SNX29: variants seen among roughly 807,000 people sequenced by gnomAD.
SNX29 encodes sorting nexin 29, also known as sorting nexin-29.
Under a neutral mutation model 102.1 loss-of-function variants are expected in SNX29, and 78 were observed. The observed-to-expected ratio is 0.76, with a 90% CI of 0.64 to 0.92. The LOEUF (loss-of-function observed/expected upper bound fraction) is 0.92. Ranked by LOEUF, SNX29 falls within the 40% of genes least tolerant of loss-of-function variation. SNX29 has a pLI of 0.00. For synonymous variants in SNX29, 580 were observed against 414.5 expected, an observed-to-expected ratio of 1.40 and a Z score of -4.85; for missense variants, 1,280 against 1,061.7, an observed-to-expected ratio of 1.21 and a Z score of -2.86.
intron 16 of SNX29, among the ~76,000 whole-genome samples, chr16:12,380,159 C>CCTAAGGGCTGATGAGAATGACCTTGGTCT (rs2151420475): frequency 6.6e-6 from 1 of 151,552 alleles, no homozygotes; most frequent in African/African-American, 2.4e-5. Flanking sequence ...CCTTAGCTGA[C>CCTAAGGGCTGATGAGAATGACCTTGGTCT]CTAAGGGCTG....
chr16:12,168,768 A>G (rs965438721), intron 13 of SNX29, among the ~76,000 whole-genome samples: 1 of 152,204 alleles, frequency 6.6e-6, no homozygotes, highest in Admixed American at 6.5e-5. Context: ...ATCGTTACAT[A>G]AATTTCTATC....
In SNX29 at chr16:12,468,442, G is replaced by A. The variant is rs114780429; in HGVS notation, c.2038-9277G>A. Among the ~76,000 whole-genome samples the A allele has an allele frequency of 6.8e-3, 1,031 of 152,144 alleles. 14 individuals are homozygous for A. Among genetic ancestry groups the A allele is most frequent in the African/African-American group, 0.023 (970 of 41,504 alleles). ...TGCCTGCCTTAGCCTGGGATTACAGGTGTGAGCCACCACGCGCAACCTCCA... is the reference window on the plus strand; with the variant it reads ...TGCCTGCCTTAGCCTGGGATTACAGATGTGAGCCACCACGCGCAACCTCCA... On this transcript the variant is annotated intron_variant, in intron 18 of 20. Transcript: ENST00000566228.
At chr16:12,033,102 G>A (rs1383691388) in intron 4 of SNX29, among the ~76,000 whole-genome samples, 11 of 151,910 alleles carry the variant, frequency 7.2e-5, no homozygotes, top group Non-Finnish European at 1.5e-4. Flanking sequence ...TGATCTGCCC[G>A]CCTTGGCCTC....
chr16:12,356,893 T>C (rs1473874658), intron 16 of SNX29, among the ~76,000 whole-genome samples: 4 of 152,380 alleles, frequency 2.6e-5, no homozygotes, highest in East Asian at 1.9e-4. Flanking sequence ...TCTCCAGATA[T>C]CGCCAGATGT....
chr16:12,085,844 A>C (rs1414976480), intron 11 of SNX29, among the ~76,000 whole-genome samples: 1 of 152,174 alleles, frequency 6.6e-6, no homozygotes, highest in Admixed American at 6.5e-5. Context: ...TTGTATAAGA[A>C]AATGAGGCTT....
At chr16:12,462,742 T>C (rs976935464) in intron 18 of SNX29, among the ~76,000 whole-genome samples, 47 of 152,212 alleles carry the variant, frequency 3.1e-4, no homozygotes, top group Non-Finnish European at 6.3e-4. Context: ...GGTGTTTGTA[T>C]CTATGAAGAG....
chr16:12,194,626 T>G (rs1339519792), intron 13 of SNX29, among the ~76,000 whole-genome samples: 1 of 150,408 alleles, frequency 6.6e-6, no homozygotes, highest in East Asian at 1.9e-4. Context: ...TGGGTAGTTT[T>G]TTTTTTTTTT....
intron 14 of SNX29, among the ~76,000 whole-genome samples, chr16:12,213,844 C>T (rs2077251201): frequency 1.3e-5 from 2 of 152,122 alleles, no homozygotes; most frequent in African/African-American, 2.4e-5. Flanking sequence ...GGCTGGGAGA[C>T]GTGGGGCTTA....
intron 3 of SNX29, among the ~76,000 whole-genome samples, chr16:12,016,065 A>G (rs1432475056): frequency 2.0e-5 from 3 of 149,022 alleles, no homozygotes; most frequent in African/African-American, 7.5e-5. Flanking sequence ...GGATTTCACC[A>G]TGTTGGCCAG....
intron 20 of SNX29, among the ~76,000 whole-genome samples, chr16:12,567,889 A>G (rs894565675): frequency 6.6e-6 from 1 of 152,168 alleles, no homozygotes; most frequent in African/African-American, 2.4e-5. Flanking sequence ...CCTCCCACAC[A>G]ACCCAGACCC....
rs148995474 is a variant in SNX29 at position 12,537,760 on chromosome 16, G to A, written c.2318+12919G>A. The stretch of plus-strand genomic sequence containing the variant: ...GCACAATGACCTCTATCCTATGTGG[G>A]GTTTGTTTAAACAAAAAAAAGTAAT... On this transcript the variant is annotated intron_variant, in intron 20 of 20. Coordinates refer to ENST00000566228, the MANE Select transcript of SNX29 (RefSeq NM_032167.5). 2.0e-3 allele frequency among the ~76,000 whole-genome samples: 297 copies of A among 152,100 alleles called. 3 individuals are homozygous for A. The Middle Eastern group carries it at 0.024, about 12-fold the overall frequency.
chr16:12,306,557 G>A (rs965180188), intron 15 of SNX29, among the ~76,000 whole-genome samples: 7 of 152,212 alleles, frequency 4.6e-5, no homozygotes, highest in African/African-American at 1.7e-4. Flanking sequence ...CCAGGGCTGA[G>A]CGTGTAAATG....
intron 10 of SNX29, among the ~76,000 whole-genome samples, chr16:12,077,681 C>T (rs944402300): frequency 3.3e-5 from 5 of 152,036 alleles, no homozygotes; most frequent in African/African-American, 9.7e-5. Context: ...AGTGCAGTGG[C>T]GTGATCTTGG....
intron 19 of SNX29, among the ~76,000 whole-genome samples, chr16:12,492,731 T>C (rs898944898): frequency 6.6e-6 from 1 of 152,218 alleles, no homozygotes; most frequent in African/African-American, 2.4e-5. Context: ...AGGGATCCAG[T>C]TTCAGCTTTC....
At chr16:12,293,735 T>C (rs1477022104) in intron 15 of SNX29, among the ~76,000 whole-genome samples, 1 of 152,194 alleles carries the variant, frequency 6.6e-6, no homozygotes, top group Non-Finnish European at 1.5e-5. Flanking sequence ...ATTAAAAAAA[T>C]AAAGTACAAA....
intron 20 of SNX29, among the ~76,000 whole-genome samples, chr16:12,538,525 C>G (rs369925298): frequency 6.6e-6 from 1 of 152,088 alleles, no homozygotes; most frequent in Non-Finnish European, 1.5e-5. Context: ...TAACATATTG[C>G]TTATGCGTGA....
At chr16:12,164,998 C>CT (rs1368811341) in intron 13 of SNX29, among the ~76,000 whole-genome samples, 3 of 152,110 alleles carry the variant, frequency 2.0e-5, no homozygotes, top group African/African-American at 7.2e-5. Context: ...TTATTCATGC[C>CT]TTTTTGACTC....
At chr16:12,242,384 A>G (rs2078133416) in intron 14 of SNX29, among the ~76,000 whole-genome samples, 1 of 136,126 alleles carries the variant, frequency 7.3e-6, no homozygotes, top group Non-Finnish European at 1.5e-5. Flanking sequence ...TTTTTTTTTT[A>G]AGAAGAGGAG....
intron 13 of SNX29, among the ~76,000 whole-genome samples, chr16:12,148,814 C>G (rs961113369): frequency 1.3e-5 from 2 of 152,158 alleles, no homozygotes; most frequent in Non-Finnish European, 2.9e-5. Context: ...TCTGCTGCCT[C>G]AACCTCCTGA....
Sources: allele counts gnomAD v4.1 joint callset (sites outside exome capture counted in the v4.1 genomes callset), GRCh38; gene constraint gnomAD v4.1.1; transcripts MANE v1.5; gene names NCBI Gene and HGNC (gene_info 2026-07-23, HGNC 2026-07-21).